Variants in GALNT10 observed in about 807,000 individuals in gnomAD.
GALNT10 encodes GalNAc transferase 10.
In GALNT10, 41 loss-of-function variants were observed where a neutral mutation model predicts 75.0. The observed-to-expected ratio is 0.55, with a 90% confidence interval of 0.43 to 0.71. The LOEUF (loss-of-function observed/expected upper bound fraction) is 0.71. GALNT10 is among the 30% of genes least tolerant of loss of function. The pLI, the probability that GALNT10 is intolerant of heterozygous loss-of-function variation, is 0.00. For missense variants in GALNT10, 727 were observed against 818.5 expected (o/e 0.89, Z 1.36); for synonymous variants, 302 against 313.0 (o/e 0.96, Z 0.37).
chr5:154,263,980 C>T (rs2113026306), intron 1 of GALNT10, among the ~76,000 whole-genome samples: 1 of 152,204 alleles, frequency 6.6e-6, no homozygotes, highest in Admixed American at 6.5e-5. Flanking sequence ...GAATTGTATG[C>T]TTTAAAAGGG....
chr5:154,259,181 C>T (rs545604774), intron 1 of GALNT10, among the ~76,000 whole-genome samples: 7 of 152,162 alleles, frequency 4.6e-5, no homozygotes, highest in African/African-American at 7.2e-5. Flanking sequence ...CTTTAGTTTC[C>T]TTCAACCTGT....
intron 1 of GALNT10, among the ~76,000 whole-genome samples, chr5:154,258,407 A>G (rs929331500): frequency 1.3e-5 from 2 of 152,218 alleles, no homozygotes; most frequent in African/African-American, 4.8e-5. Context: ...GAATAACATT[A>G]AAATCCACAC....
chr5:154,267,994 A>G (rs1753802199), intron 1 of GALNT10, among the ~76,000 whole-genome samples: 1 of 152,164 alleles, frequency 6.6e-6, no homozygotes, highest in Non-Finnish European at 1.5e-5. Flanking sequence ...TCAAAAGCAA[A>G]TTTTATAGGC....
chr5:154,192,518 C>A (rs1352557056), intron 1 of GALNT10, among the ~76,000 whole-genome samples: 1 of 152,200 alleles, frequency 6.6e-6, no homozygotes, highest in Admixed American at 6.5e-5. Context: ...TCAGCTCTAC[C>A]ACTAACTTAC....
At chr5:154,273,935 G>T (rs968629721) in intron 1 of GALNT10, among the ~76,000 whole-genome samples, 1 of 152,178 alleles carries the variant, frequency 6.6e-6, no homozygotes, top group African/African-American at 2.4e-5. Flanking sequence ...CCTCCCAGTT[G>T]CTGCATCTCC....
At chr5:154,286,428 T>C (rs986906574) in intron 1 of GALNT10, among the ~76,000 whole-genome samples, 2 of 150,422 alleles carry the variant, frequency 1.3e-5, no homozygotes, top group Non-Finnish European at 3.0e-5. Flanking sequence ...TGGGCACTTA[T>C]CCTGAAGAAA....
At chr5:154,268,413 C>G (rs509130) in intron 1 of GALNT10, among the ~76,000 whole-genome samples, 9,789 of 152,178 alleles carry the variant, frequency 0.064, 861 homozygotes, top group African/African-American at 0.2. Flanking sequence ...CTTCTTACCA[C>G]AGAGGTAGCT....
Position 154,329,781 on chromosome 5 carries a change from C to T in GALNT10, c.568+43C>T, listed in dbSNP as rs763776217. ...CAGCCTCCCACCCTCTGTGCTTCAT[C>T]TGGCGACTCACCAAAGGGATGGCAG... On this transcript the variant is annotated intron_variant, in intron 4 of 11. Coordinates refer to ENST00000297107, the MANE Select transcript of GALNT10 (RefSeq NM_198321.4). 2.2e-5 allele frequency: 32 copies of T among 1,467,066 alleles called. No homozygotes were observed. The African/African-American group carries it at 4.0e-4, about 18-fold the overall frequency. The allele number at this position is 1,467,066 out of a possible 1,614,324, so 90.9% of individuals were successfully genotyped here.
intron 10 of GALNT10, among the ~76,000 whole-genome samples, chr5:154,413,692 C>T (rs994334226): frequency 6.6e-6 from 1 of 152,182 alleles, no homozygotes; most frequent in Non-Finnish European, 1.5e-5. Flanking sequence ...TTAGGGGAGG[C>T]TTGCTTGAAG....
chr5:154,196,786 A>G (rs1466648909), intron 1 of GALNT10, among the ~76,000 whole-genome samples: 2 of 152,192 alleles, frequency 1.3e-5, no homozygotes, highest in African/African-American at 2.4e-5. Context: ...GAGAAGCTGT[A>G]TTGATTGACT....
At chr5:154,335,906 G>A (rs1483383997) in intron 4 of GALNT10, among the ~76,000 whole-genome samples, 1 of 152,148 alleles carries the variant, frequency 6.6e-6, no homozygotes, top group African/African-American at 2.4e-5. Context: ...AGTGTAAAAT[G>A]ACATATATCT....
intron 1 of GALNT10, among the ~76,000 whole-genome samples, chr5:154,243,056 G>A (rs559719126): frequency 4.6e-5 from 7 of 152,328 alleles, no homozygotes; most frequent in Admixed American, 1.3e-4. Context: ...CTTACTAGCT[G>A]TGTGACCTTG....
intron 1 of GALNT10, among the ~76,000 whole-genome samples, chr5:154,269,012 T>C (rs1335546423): frequency 3.0e-5 from 3 of 99,546 alleles, no homozygotes; most frequent in Non-Finnish European, 6.0e-5. Flanking sequence ...ATATAAAGAA[T>C]CTGAGATGCC....
chr5:154,284,978 T>C (rs757742382), intron 1 of GALNT10, among the ~76,000 whole-genome samples: 1 of 152,308 alleles, frequency 6.6e-6, no homozygotes, highest in Non-Finnish European at 1.5e-5. Context: ...ACCCACCACT[T>C]AAGGTGAAAA....
intron 7 of GALNT10, 174 bp downstream of exon 7, chr5:154,386,604 T>TGGG: frequency 5.4e-6 from 1 of 184,384 alleles, no homozygotes; most frequent in Admixed American, 1.1e-4. Context: ...TGTTGTGGGG[T>TGGG]GGGGGGGTGT....
At chr5:154,340,925 T>C (rs780264109) in intron 4 of GALNT10, among the ~76,000 whole-genome samples, 3 of 152,244 alleles carry the variant, frequency 2.0e-5, no homozygotes, top group Non-Finnish European at 4.4e-5. Flanking sequence ...TTATATATCA[T>C]TTATTTATTT....
rs190188988 is a variant in GALNT10, at chr5:154,214,477, A to T, written c.159+23452A>T. Among the ~76,000 whole-genome samples the T allele has an allele frequency of 1.0e-3, 159 of 152,332 alleles. 1 individual carries two copies. Among genetic ancestry groups the T allele is most frequent in the African/African-American group, 3.7e-3 (152 of 41,578 alleles). ...GAGCCTAATTTGGAAAAAGGAGAAA[A>T]AAAACCCCAAACCTCCTCCCTTTCA... On this transcript the variant is annotated intron_variant, in intron 1 of 11. Transcript: ENST00000297107.
intron 7 of GALNT10, among the ~76,000 whole-genome samples, chr5:154,401,473 G>A (rs1031996385): frequency 2.0e-5 from 3 of 152,244 alleles, no homozygotes; most frequent in African/African-American, 7.2e-5. Context: ...TATAAAGGAA[G>A]AGTTATTGTT....
In GALNT10 at chr5:154,386,332, G is replaced by A; in HGVS notation, c.958G>A (p.Gly320Arg). ...DPFESPVMAG[G>R]LFAVDRKWFW... ...TGACAGGTCTCCCGTGATGGCCGGT[G>A]GACTGTTCGCCGTGGATCGGAAGTG... The change falls in exon 7 of 12, where the codon GGA (glycine) becomes AGA (arginine). Residue 320 changes from glycine (G) to arginine (R), a missense_variant. Transcript: ENST00000297107. 1.2e-6 allele frequency: 2 copies of A among 1,613,910 alleles called. No individual in the cohort carries two copies. The highest frequency in any genetic ancestry group is 1.1e-5 in the South Asian group (1 of 91,074).
Sources: gnomAD v4.1 joint callset for allele counts (sites outside exome capture counted in the v4.1 genomes callset) on GRCh38, gnomAD v4.1.1 for gene constraint, MANE v1.5 for transcripts, NCBI Gene and HGNC (gene_info 2026-07-23, HGNC 2026-07-21) for gene names.